The following ARHGAP42 variants were observed in gnomAD, a reference collection of about 807,000 sequenced individuals.
ARHGAP42 encodes the protein rho GTPase-activating protein 42.
Under a neutral mutation model 125.0 loss-of-function variants are expected in ARHGAP42, and 63 were observed. The ratio of observed to expected loss-of-function variants is 0.50; its 90% CI spans 0.41 to 0.62. The LOEUF (loss-of-function observed/expected upper bound fraction) is 0.62, where lower values mean the gene tolerates loss of function less well. Among genes scored for constraint, ARHGAP42 ranks in the 20% least tolerant of loss-of-function variants. The pLI is 0.00. For synonymous variants in ARHGAP42, 339 were observed against 351.0 expected (o/e 0.97, Z 0.38); for missense variants, 766 against 1,024.2 (o/e 0.75, Z 3.44).
At chr11:100,812,130 C>G (rs1052049396) in intron 3 of ARHGAP42, among the ~76,000 whole-genome samples, 1 of 152,040 alleles carries the variant, frequency 6.6e-6, no homozygotes, top group Non-Finnish European at 1.5e-5. Flanking sequence ...AATGAATGAG[C>G]CTTCATATAG....
chr11:100,748,117 A>G (rs1264579122), intron 1 of ARHGAP42, among the ~76,000 whole-genome samples: 1 of 152,168 alleles, frequency 6.6e-6, no homozygotes, highest in African/African-American at 2.4e-5. Context: ...CTTTTAGCAA[A>G]CTTTACTTTT....
Position 100,691,522 on chromosome 11 carries a change from TTTTA to T in ARHGAP42, c.154+3706_154+3709del, listed in dbSNP as rs375674089. On this transcript the variant is annotated intron_variant, in intron 1 of 23. Transcript: ENST00000298815. ...ATAGAAACTTGATAAGCAAGGAGAT[TTTTA>T]TTTATTTATTTATTTTGAGACAGGG... 2.6e-5 allele frequency among the ~76,000 whole-genome samples: 4 copies of T among 151,710 alleles called. 1 individual carries two copies. Among genetic ancestry groups the T allele is most frequent in the African/African-American group, 9.7e-5 (4 of 41,324 alleles).
intron 17 of ARHGAP42, among the ~76,000 whole-genome samples, chr11:100,971,985 A>C (rs943505156): frequency 6.6e-6 from 1 of 152,174 alleles, no homozygotes; most frequent in Non-Finnish European, 1.5e-5. Context: ...AGCAATTAAT[A>C]TATAGTATTT....
intron 1 of ARHGAP42, among the ~76,000 whole-genome samples, chr11:100,704,302 G>A (rs1171755061): frequency 6.6e-6 from 1 of 152,278 alleles, no homozygotes; most frequent in Admixed American, 6.5e-5. Flanking sequence ...CAGGCCCGGG[G>A]TTGAGGGAAT....
chr11:100,830,371 A>G (rs1864636405), intron 3 of ARHGAP42, among the ~76,000 whole-genome samples: 1 of 152,136 alleles, frequency 6.6e-6, no homozygotes, highest in South Asian at 2.1e-4. Flanking sequence ...CTGTAATTTG[A>G]GTGGTTTGGT....
At chr11:100,853,368 G>A (rs1202637407) in intron 3 of ARHGAP42, among the ~76,000 whole-genome samples, 1 of 152,092 alleles carries the variant, frequency 6.6e-6, no homozygotes, top group African/African-American at 2.4e-5. Context: ...AATATGCTAT[G>A]GTTAAGTCTG....
intron 3 of ARHGAP42, among the ~76,000 whole-genome samples, chr11:100,807,492 G>A (rs1361410922): frequency 2.6e-5 from 4 of 152,242 alleles, no homozygotes; most frequent in South Asian, 2.1e-4. Context: ...CACCGGGTCC[G>A]GCCTTTTTAT....
chr11:100,976,009 C>T (rs1444457141), intron 19 of ARHGAP42, 48 bp from the exon 20 acceptor site: 3 of 1,458,848 alleles, frequency 2.1e-6, no homozygotes, highest in East Asian at 5.0e-5. Flanking sequence ...ATGCTGTTAT[C>T]AATAGATAGT....
intron 12 of ARHGAP42, among the ~76,000 whole-genome samples, chr11:100,957,319 C>A (rs1340825273): frequency 2.0e-5 from 3 of 151,862 alleles, no homozygotes; most frequent in African/African-American, 7.3e-5. Context: ...GAAAAAAAAA[C>A]CTAGCATTGA....
intron 4 of ARHGAP42, among the ~76,000 whole-genome samples, chr11:100,899,332 G>T (rs780406488): frequency 6.6e-6 from 1 of 152,196 alleles, no homozygotes; most frequent in Non-Finnish European, 1.5e-5. Context: ...ATTTGGGGTG[G>T]AGAGTTCTGG....
chr11:100,840,203 G>A (rs781750821), intron 3 of ARHGAP42, among the ~76,000 whole-genome samples: 4 of 152,104 alleles, frequency 2.6e-5, no homozygotes, highest in Non-Finnish European at 5.9e-5. Context: ...TCCTGCAAAT[G>A]ATGCGTCCCC....
At chr11:100,944,197 C>A (rs1238355665) in intron 10 of ARHGAP42, among the ~76,000 whole-genome samples, 2 of 151,964 alleles carry the variant, frequency 1.3e-5, no homozygotes, top group African/African-American at 2.4e-5. Context: ...CCAGGATCAG[C>A]CTTTTGGTGG....
intron 3 of ARHGAP42, among the ~76,000 whole-genome samples, chr11:100,824,613 G>T (rs1864473733): frequency 6.6e-6 from 1 of 152,148 alleles, no homozygotes; most frequent in Admixed American, 6.5e-5. Context: ...GGGAAATTCA[G>T]CATAGTGTAG....
In ARHGAP42 at chr11:100,779,483, T is replaced by TACAC. The variant is rs1441266437; in HGVS notation, c.250+9046_250+9047insCACA. Among the ~76,000 whole-genome samples, 7 of 76,086 alleles carry TACAC rather than the reference T, an allele frequency of 9.2e-5. 1 individual carries two copies. The highest frequency in any genetic ancestry group is 1.6e-4 in the Admixed American group (1 of 6,108). The allele number at this position is 76,086 out of a possible 152,430, so 49.9% of individuals were successfully genotyped here. A position where few individuals can be genotyped will look rare whatever the true frequency, so the allele number is the denominator to read the frequency against. ...AAAAAAAAAAATATATATATATATA[T>TACAC]ATACACACACACACATATATACACG... On this transcript the variant is annotated intron_variant, in intron 2 of 23. Transcript: ENST00000298815.
chr11:100,928,100 G>A (rs755704518), intron 6 of ARHGAP42, among the ~76,000 whole-genome samples: 1 of 152,112 alleles, frequency 6.6e-6, no homozygotes, highest in African/African-American at 2.4e-5. Flanking sequence ...CCTCCAGGCA[G>A]GGAATTGCAA....
chr11:100,922,222 T>C (rs1309006010), intron 6 of ARHGAP42, among the ~76,000 whole-genome samples: 1 of 152,216 alleles, frequency 6.6e-6, no homozygotes, highest in Non-Finnish European at 1.5e-5. Flanking sequence ...CCCTTTGTTC[T>C]GTGCTCCCCT....
chr11:100,960,025 T>G (rs74636220), intron 13 of ARHGAP42, 80 bp downstream of exon 13: 68,296 of 1,254,652 alleles, frequency 0.054, 2,745 homozygotes, highest in East Asian at 0.22. Context: ...AGATAAATCA[T>G]TGAAGATGTA....
At chr11:100,783,970 A>C (rs1863374005) in intron 2 of ARHGAP42, among the ~76,000 whole-genome samples, 1 of 152,208 alleles carries the variant, frequency 6.6e-6, no homozygotes, top group African/African-American at 2.4e-5. Context: ...AATCAGTATA[A>C]TGCTAAGGAG....
chr11:100,701,487 TC>T (rs1861395736), intron 1 of ARHGAP42, among the ~76,000 whole-genome samples: 2 of 152,376 alleles, frequency 1.3e-5, no homozygotes, highest in South Asian at 4.1e-4. Context: ...GTAGCCACCT[TC>T]ATCCATACTC....
Sources: gnomAD v4.1 joint callset for allele counts (sites outside exome capture counted in the v4.1 genomes callset) on GRCh38, gnomAD v4.1.1 for gene constraint, MANE v1.5 for transcripts, NCBI Gene and HGNC (gene_info 2026-07-23, HGNC 2026-07-21) for gene names.